Variants in ARK2C observed in about 807,000 individuals in gnomAD.
ARK2C encodes the protein arkadia (RNF111) C-terminal like ring finger ubiquitin ligase 2C.
At chr18:46,442,319 T>A in the ARK2C span, among the ~76,000 whole-genome samples, 1 of 152,228 alleles carries the variant, frequency 6.6e-6, no homozygotes, top group African/African-American at 2.4e-5. Flanking sequence ...AGATCATGAC[T>A]TTGGGTTTTC....
chr18:46,417,839 A>G, the ARK2C span, among the ~76,000 whole-genome samples: 3 of 151,344 alleles, frequency 2.0e-5, no homozygotes, highest in African/African-American at 7.3e-5. Context: ...CCCCGTCTCT[A>G]CTAAAAATAC....
At chr18:46,354,919 C>T in the ARK2C span, among the ~76,000 whole-genome samples, 1 of 152,088 alleles carries the variant, frequency 6.6e-6, no homozygotes, top group Non-Finnish European at 1.5e-5. Context: ...ATTTCTTTTT[C>T]ACCATAGACA....
the ARK2C span, among the ~76,000 whole-genome samples, chr18:46,453,925 C>T: frequency 6.6e-6 from 1 of 151,266 alleles, no homozygotes; most frequent in African/African-American, 2.4e-5. Flanking sequence ...CCAGCCTGGC[C>T]ATCATAGAGA....
the ARK2C span, among the ~76,000 whole-genome samples, chr18:46,381,056 G>A: frequency 6.6e-6 from 1 of 152,230 alleles, no homozygotes; most frequent in Non-Finnish European, 1.5e-5. Context: ...GAAGCCCTGG[G>A]CATGCCACAC....
chr18:46,385,444 G>A, the ARK2C span, among the ~76,000 whole-genome samples: 1 of 152,194 alleles, frequency 6.6e-6, no homozygotes, highest in Non-Finnish European at 1.5e-5. Context: ...GGAAGGTGTT[G>A]CACAAGGATG....
At chr18:46,397,736 C>T in the ARK2C span, among the ~76,000 whole-genome samples, 1 of 96,954 alleles carries the variant, frequency 1.0e-5, no homozygotes, top group Non-Finnish European at 2.0e-5. Context: ...TGTGTGTGAT[C>T]ATGCTGAGGT....
the ARK2C span, among the ~76,000 whole-genome samples, chr18:46,374,435 C>A: frequency 6.6e-6 from 1 of 152,260 alleles, no homozygotes; most frequent in East Asian, 1.9e-4. Context: ...TCCCGCCAGC[C>A]CCTGGCAGCC....
At chr18:46,440,729 A>C in the ARK2C span, among the ~76,000 whole-genome samples, 2 of 149,332 alleles carry the variant, frequency 1.3e-5, no homozygotes, top group Non-Finnish European at 1.5e-5. Context: ...AGATCCGAAT[A>C]AGTTTTACAC....
the ARK2C span, among the ~76,000 whole-genome samples, chr18:46,441,814 G>A: frequency 6.2e-4 from 92 of 148,326 alleles, 1 homozygote; most frequent in African/African-American, 1.0e-3. Context: ...CGTGAACCGG[G>A]AGGCGGAGCT....
chr18:46,396,729 G>C, the ARK2C span, among the ~76,000 whole-genome samples: 6 of 152,200 alleles, frequency 3.9e-5, no homozygotes, highest in African/African-American at 1.4e-4. Flanking sequence ...ATAGGGGACT[G>C]CAGAGAAGGG....
At chr18:46,406,373 T>C in the ARK2C span, among the ~76,000 whole-genome samples, 1 of 152,140 alleles carries the variant, frequency 6.6e-6, no homozygotes, top group African/African-American at 2.4e-5. Context: ...CATTGCCCTG[T>C]GGGTGCTGGC....
chr18:46,433,256 C>G, the ARK2C span: 4 of 1,609,322 alleles, frequency 2.5e-6, no homozygotes, highest in East Asian at 4.5e-5. Flanking sequence ...CTGGGCCCCC[C>G]GCAGCCGCAG....
the ARK2C span, among the ~76,000 whole-genome samples, chr18:46,425,831 AG>A: frequency 6.6e-6 from 1 of 152,130 alleles, no homozygotes; most frequent in Non-Finnish European, 1.5e-5. Context: ...AGAAGGCCAT[AG>A]GCTGGGAGCT....
the ARK2C span, among the ~76,000 whole-genome samples, chr18:46,432,721 G>A: frequency 6.6e-6 from 1 of 152,216 alleles, no homozygotes; most frequent in Non-Finnish European, 1.5e-5. Flanking sequence ...ACTTTGGGAG[G>A]CCGAGGCGGG....
At chr18:46,356,832 T>C in the ARK2C span, among the ~76,000 whole-genome samples, 11 of 152,314 alleles carry the variant, frequency 7.2e-5, no homozygotes, top group East Asian at 1.4e-3. Context: ...TATTCAGGCA[T>C]GGTGCAAGAG....
the ARK2C span, chr18:46,433,313 C>A: frequency 2.5e-6 from 4 of 1,612,034 alleles, no homozygotes; most frequent in Non-Finnish European, 3.4e-6. Context: ...CAGTCGCAGC[C>A]AGGCCTCAGC....
the ARK2C span, among the ~76,000 whole-genome samples, chr18:46,384,116 T>C: frequency 6.6e-6 from 1 of 152,212 alleles, no homozygotes. Context: ...ACAGAGATGG[T>C]GAAGACAGAG....
the ARK2C span, among the ~76,000 whole-genome samples, chr18:46,352,044 AC>A: frequency 6.6e-6 from 1 of 152,100 alleles, no homozygotes; most frequent in Non-Finnish European, 1.5e-5. Flanking sequence ...GGCCTGGCAG[AC>A]CCTGTCACTC....
the ARK2C span, among the ~76,000 whole-genome samples, chr18:46,416,866 A>G: frequency 6.6e-6 from 1 of 152,228 alleles, no homozygotes; most frequent in African/African-American, 2.4e-5. Context: ...AATTGGCATG[A>G]TGTCACTTCT....
Sources: allele counts gnomAD v4.1 joint callset (sites outside exome capture counted in the v4.1 genomes callset), GRCh38; gene constraint gnomAD v4.1.1; transcripts MANE v1.5; gene names NCBI Gene and HGNC (gene_info 2026-07-23, HGNC 2026-07-21).